MYO16: variants seen among roughly 807,000 people sequenced by gnomAD.
MYO16 encodes the protein myosin XVI.
MYO16 carries 94 observed loss-of-function variants against 205.3 expected under a neutral mutation model. The ratio of observed to expected loss-of-function variants is 0.46; its 90% confidence interval spans 0.39 to 0.54. The LOEUF (loss-of-function observed/expected upper bound fraction) is 0.54. Among genes scored for constraint, MYO16 ranks in the 20% least tolerant of loss-of-function variants. The pLI is 0.00. For synonymous variants in MYO16, 988 were observed against 954.0 expected (o/e 1.04, Z -0.66); for missense variants, 2,315 against 2,387.5 (o/e 0.97, Z 0.63).
chr13:109,017,293 C>T (rs1885862386), intron 22 of MYO16, among the ~76,000 whole-genome samples: 1 of 152,080 alleles, frequency 6.6e-6, no homozygotes, highest in Non-Finnish European at 1.5e-5. Context: ...AATATTGACC[C>T]CCACTCTCTT....
intron 16 of MYO16, among the ~76,000 whole-genome samples, chr13:108,918,961 A>C (rs1273279917): frequency 0.011 from 1,223 of 116,154 alleles, 15 homozygotes; most frequent in African/African-American, 0.039. Flanking sequence ...GAACAAAAAA[A>C]AAAAAAAAAA....
chr13:108,567,810 C>A, the MYO16 span, among the ~76,000 whole-genome samples: 2 of 152,078 alleles, frequency 1.3e-5, no homozygotes, highest in African/African-American at 4.8e-5. Context: ...CACTACCCAC[C>A]CCCCTGAAAA....
intron 1 of MYO16, among the ~76,000 whole-genome samples, chr13:108,645,270 G>A (rs16972879): frequency 0.048 from 7,377 of 152,298 alleles, 251 homozygotes; most frequent in African/African-American, 0.084. Flanking sequence ...TTTGGTAAAA[G>A]AGATTGAGTC....
chr13:108,964,212 G>T (rs1883701429), intron 19 of MYO16, among the ~76,000 whole-genome samples: 1 of 151,766 alleles, frequency 6.6e-6, no homozygotes, highest in Non-Finnish European at 1.5e-5. Context: ...TTTTTCCTTG[G>T]GCCCACCTCT....
chr13:108,823,362 C>A, intron 9 of MYO16, 84 bp downstream of exon 9: 1 of 1,288,246 alleles, frequency 7.8e-7, no homozygotes, highest in Non-Finnish European at 1.1e-6. Flanking sequence ...TGACTCTCAG[C>A]CAAAGAGTTA....
At chr13:108,802,020 A>ATGTATG (rs1200094507) in intron 6 of MYO16, among the ~76,000 whole-genome samples, 1 of 152,216 alleles carries the variant, frequency 6.6e-6, no homozygotes, top group Non-Finnish European at 1.5e-5. Context: ...AATTTTCGAT[A>ATGTATG]TATGTATACA....
rs896661307 is a variant in MYO16, at chr13:108,608,652, A to AT, written c.-39+12423dup. On this transcript the variant is annotated intron_variant, in intron 1 of 24. Coordinates refer to the MYO16 transcript ENST00000251041. ...ATCTGAACCCACTTACCCACAAATGATTTTTTTTTTGAGACAGTCCTGCTC... is the reference window on the plus strand; with the variant it reads ...ATCTGAACCCACTTACCCACAAATGATTTTTTTTTTTGAGACAGTCCTGCTC... Among the ~76,000 whole-genome samples the AT allele has an allele frequency of 1.4e-3, 34 of 24,290 alleles. 1 individual carries two copies. Among genetic ancestry groups the AT allele is most frequent in the South Asian group, 8.4e-3 (9 of 1,076 alleles). The allele number at this position is 24,290 out of a possible 152,430, so 15.9% of individuals were successfully genotyped here.
At chr13:109,017,195 A>T (rs151203836) in intron 22 of MYO16, among the ~76,000 whole-genome samples, 1 of 152,154 alleles carries the variant, frequency 6.6e-6, no homozygotes, top group Non-Finnish European at 1.5e-5. Context: ...GCTTGTCTAT[A>T]AAGGATTTTA....
Position 109,207,675 on chromosome 13 carries a change from G to C in MYO16, c.*839G>C, listed in dbSNP as rs1211008355. 2.6e-5 allele frequency: 4 copies of C among 152,182 alleles called. No individual in the cohort carries two copies. The highest frequency in any genetic ancestry group is 5.9e-5 in the Non-Finnish European group (4 of 68,046). The allele number at this position is 152,182 out of a possible 1,614,324, so 9.4% of individuals were successfully genotyped here. A position where few individuals can be genotyped will look rare whatever the true frequency, so the allele number is the denominator to read the frequency against. Reference sequence around the variant, plus strand: ...CATGGCACACGGTTAAACACGTATGGCTTCAAATCCATAGCCGGTGGTGTA... The same window carrying C: ...CATGGCACACGGTTAAACACGTATGCCTTCAAATCCATAGCCGGTGGTGTA... On this transcript the variant is annotated 3_prime_UTR_variant, in exon 35 of 35. Transcript: ENST00000457511.
At chr13:109,165,634 A>G (rs1168499043) in intron 33 of MYO16, among the ~76,000 whole-genome samples, 1 of 152,204 alleles carries the variant, frequency 6.6e-6, no homozygotes, top group Non-Finnish European at 1.5e-5. Context: ...ATGTTTGTTT[A>G]GTCTAATTAG....
rs1881964115 is a variant in MYO16 at position 108,670,999 on chromosome 13, T to C, written c.292+4850T>C. ...TAGCAGTTTGTTTATATTATGAATATTGGTATAAAGACACTAAAATCTAAG... is the reference window on the plus strand; with the variant it reads ...TAGCAGTTTGTTTATATTATGAATACTGGTATAAAGACACTAAAATCTAAG... On this transcript the variant is annotated intron_variant, in intron 2 of 34. Transcript: ENST00000457511. Among the ~76,000 whole-genome samples, 4 of 152,210 alleles carry C rather than the reference T, an allele frequency of 2.6e-5. No individual in the cohort carries two copies. The South Asian group carries it at 8.3e-4, about 31-fold the overall frequency.
chr13:108,742,387 C>T (rs1884938272), intron 4 of MYO16, among the ~76,000 whole-genome samples: 1 of 152,004 alleles, frequency 6.6e-6, no homozygotes, highest in African/African-American at 2.4e-5. Flanking sequence ...CAAAAGAATA[C>T]TTTAATGCAT....
intron 11 of MYO16, among the ~76,000 whole-genome samples, chr13:108,856,057 A>C (rs987639387): frequency 3.3e-5 from 5 of 152,250 alleles, no homozygotes; most frequent in African/African-American, 1.2e-4. Flanking sequence ...GATTCCTGAT[A>C]GTAGAATCCG....
intron 6 of MYO16, among the ~76,000 whole-genome samples, chr13:108,799,911 A>G (rs1450243990): frequency 6.6e-6 from 1 of 152,184 alleles, no homozygotes; most frequent in Non-Finnish European, 1.5e-5. Context: ...AGGAGAGGCA[A>G]TAAGAGCAAG....
At chr13:108,685,144 T>C (rs970385572) in intron 2 of MYO16, among the ~76,000 whole-genome samples, 1 of 151,636 alleles carries the variant, frequency 6.6e-6, no homozygotes, top group Non-Finnish European at 1.5e-5. Context: ...TGCCTCAGCC[T>C]CCTGAGTAGC....
intron 2 of MYO16, among the ~76,000 whole-genome samples, chr13:108,712,459 G>T (rs143042549): frequency 5.1e-4 from 77 of 152,282 alleles, no homozygotes; most frequent in African/African-American, 1.7e-3. Flanking sequence ...ACGAAATTAT[G>T]TTGCCCAACC....
rs1490279274 is a variant in MYO16 at position 109,162,804 on chromosome 13, G to C, written c.5165-2097G>C. Among the ~76,000 whole-genome samples, 1 of 151,518 alleles carries C rather than the reference G, an allele frequency of 6.6e-6. No homozygotes were observed. Among genetic ancestry groups the C allele is most frequent in the African/African-American group, 2.4e-5 (1 of 41,250 alleles). ...AAGCAGGTGAGTACATCTTGAGCCA[G>C]TTTTAAAACAGAACCTGTTTTACTG... On this transcript the variant is annotated intron_variant, in intron 32 of 34. Transcript: ENST00000457511. This position sits in a 1 kb window ranked among gnomAD's most constrained non-coding sequence, Gnocchi z 4.6.
chr13:108,879,359 T>A (rs924200393), intron 12 of MYO16, among the ~76,000 whole-genome samples: 4 of 151,902 alleles, frequency 2.6e-5, no homozygotes, highest in African/African-American at 9.7e-5. Flanking sequence ...ACTTTTAACA[T>A]CAACCTTTTT....
chr13:108,666,468 T>A (rs1268999584), intron 2 of MYO16, among the ~76,000 whole-genome samples: 1 of 152,136 alleles, frequency 6.6e-6, no homozygotes, highest in Non-Finnish European at 1.5e-5. Flanking sequence ...GGAAACTTTT[T>A]ATCAATGAAT....
Sources: gnomAD v4.1 joint callset for allele counts (sites outside exome capture counted in the v4.1 genomes callset) on GRCh38, gnomAD v4.1.1 for gene constraint, Gnocchi (gnomAD v3.1) non-coding constraint, MANE v1.5 for transcripts, NCBI Gene and HGNC (gene_info 2026-07-23, HGNC 2026-07-21) for gene names.